The following RBM15 variants were observed in gnomAD, a reference collection of about 807,000 sequenced individuals.
RBM15 encodes the protein RNA-binding protein 15.
Under a neutral mutation model 62.6 loss-of-function variants are expected in RBM15, and 8 were observed. The ratio of observed to expected loss-of-function variants is 0.13; its 90% confidence interval spans 0.07 to 0.23. RBM15 has a LOEUF of 0.23. RBM15 is among the 10% of genes least tolerant of loss of function. The pLI, the probability that RBM15 is intolerant of heterozygous loss-of-function variation, is 1.00. For missense variants in RBM15, 1,144 were observed against 1,286.5 expected, an observed-to-expected ratio of 0.89 and a Z score of 1.69; for synonymous variants, 606 against 505.7, an observed-to-expected ratio of 1.20 and a Z score of -2.66.
rs1660808756 is a variant in RBM15 at position 110,341,969 on chromosome 1, A to G, written c.2564A>G (p.Asn855Ser). ...CGACGCATCAAAGTAGCAGGGCCCA[A>G]TGGTTATGCCATTCTTTTGGCTGTG... The part of the protein sequence containing the change: ...VTRRIKVAGP[N>S]GYAILLAVPG... The change falls in exon 1 of 3, where the codon AAT (asparagine) becomes AGT (serine). Residue 855 changes from asparagine (N) to serine (S), a missense_variant. By Grantham distance (46) the Asn-to-Ser change is conservative (BLOSUM62 1). Around this residue, in one of 8 missense-constraint regions of RBM15, gnomAD observed 144 missense variants for 223.3 expected, o/e 0.64. Coordinates refer to ENST00000369784, the MANE Select transcript of RBM15 (RefSeq NM_022768.5). This position sits in a 1 kb window ranked among gnomAD's most constrained non-coding sequence, Gnocchi z 4.5. The G allele has an allele frequency of 6.8e-6, 11 of 1,614,102 alleles. No homozygotes were observed. Among genetic ancestry groups the G allele is most frequent in the East Asian group, 2.2e-5 (1 of 44,896 alleles).
chr1:110,342,063 G>C lies in RBM15; in HGVS notation c.2658G>C (p.Arg886Ser). 6.2e-7 allele frequency: 1 copy of C among 1,614,242 alleles called. No homozygotes were observed. The highest frequency in any genetic ancestry group is 8.5e-7 in the Non-Finnish European group (1 of 1,180,046). ...AASDTATSTQ[R>S]PLRNLVSYLK... The stretch of plus-strand genomic sequence containing the variant: ...CAGACACTGCCACTTCTACTCAGAG[G>C]CCACTTAGGAACCTTGTGTCCTATT... The change falls in exon 1 of 3, where the codon AGG becomes AGC. Residue 886 changes from arginine to serine, a missense_variant. Around this residue, in one of 8 missense-constraint regions of RBM15, gnomAD observed 144 missense variants for 223.3 expected, o/e 0.64. Transcript: ENST00000369784.
At position 110,340,321 on chromosome 1, in the gene RBM15, C is replaced by T; in HGVS notation, c.916C>T (p.Arg306Trp). Reference sequence around the variant, plus strand: ...CGCTGCTTTGGGATACAGAGACTACCGGCTGCAGCAGTTGGCTCTTGGCCG... The same window carrying T: ...CGCTGCTTTGGGATACAGAGACTACTGGCTGCAGCAGTTGGCTCTTGGCCG... ...GGAALGYRDY[R>W]LQQLALGRLP... Residue 306 changes from arginine (R) to tryptophan (W), a missense_variant, in exon 1 of 3, where the codon CGG becomes TGG. By Grantham distance (101) the Arg-to-Trp change is moderately radical. Around this residue, in one of 8 missense-constraint regions of RBM15, gnomAD observed 188 missense variants for 185.6 expected, o/e 1.01. Coordinates refer to ENST00000369784, the MANE Select transcript of RBM15 (RefSeq NM_022768.5). This position sits in a 1 kb window ranked among gnomAD's most constrained non-coding sequence, Gnocchi z 5.8. 6.2e-7 allele frequency: 1 copy of T among 1,614,216 alleles called. No homozygotes were observed. Among genetic ancestry groups the T allele is most frequent in the Non-Finnish European group, 8.5e-7 (1 of 1,180,036 alleles).
rs938362840 is a variant in RBM15, at chr1:110,340,045, G to T, written c.640G>T (p.Asp214Tyr). The T allele has an allele frequency of 2.5e-6, 4 of 1,613,978 alleles. No homozygotes were observed. The highest frequency in any genetic ancestry group is 3.4e-6 in the Non-Finnish European group (4 of 1,180,050). ...TCATCTGTCGGGTTCTGGCAGCGGG[G>T]ATGAGCGGGTAGCCTTTGTGAACTT... is the stretch of plus-strand genomic sequence containing the variant. ...ISHLSGSGSG[D>Y]ERVAFVNFRR... The change falls in exon 1 of 3, where the codon GAT becomes TAT. Residue 214 changes from aspartate (D) to tyrosine (Y), a missense_variant. By Grantham distance (160) the Asp-to-Tyr change is radical. This residue lies in a region of RBM15 where 188 missense variants were observed against 185.6 expected (regional missense o/e 1.01). Coordinates refer to ENST00000369784, the MANE Select transcript of RBM15 (RefSeq NM_022768.5). The surrounding 1 kb of genome is among the most constrained non-coding windows in gnomAD (Gnocchi z 5.8).
rs748595314 is a variant in RBM15 at position 110,339,545 on chromosome 1, G to A, written c.140G>A (p.Gly47Glu). 2.5e-6 allele frequency: 4 copies of A among 1,605,354 alleles called. No homozygotes were observed. The highest frequency in any genetic ancestry group is 3.4e-6 in the Non-Finnish European group (4 of 1,173,756). The change falls in exon 1 of 3, where the codon GGA becomes GAA. Residue 47 changes from glycine (G) to glutamate (E), a missense_variant. Transcript: ENST00000369784. Reference protein sequence around the residue: ...DDLRRPATMKGKERSPVKAKR... With the variant: ...DDLRRPATMKEKERSPVKAKR... ...CTCCGACGACCCGCAACAATGAAGG[G>A]AAAAGAGCGCTCGCCAGTGAAGGCC... is the stretch of plus-strand genomic sequence containing the variant.
rs1274426500 is a variant in RBM15, at chr1:110,340,360, C to T, written c.955C>T (p.Pro319Ser). 1 of 1,614,206 alleles carries T rather than the reference C, an allele frequency of 6.2e-7. No homozygotes were observed. Among genetic ancestry groups the T allele is most frequent in the Non-Finnish European group, 8.5e-7 (1 of 1,180,030 alleles). The change falls in exon 1 of 3, where the codon CCT becomes TCT. Residue 319 changes from proline to serine, a missense_variant. Around this residue, in one of 8 missense-constraint regions of RBM15, gnomAD observed 188 missense variants for 185.6 expected, o/e 1.01. Transcript: ENST00000369784. This position sits in a 1 kb window ranked among gnomAD's most constrained non-coding sequence, Gnocchi z 5.8. ...GGCTCTTGGCCGCCTGCCCCCTCCA[C>T]CTCCGCCACCATTGCCTCGAGACCT... Reference protein sequence around the residue: ...QLALGRLPPPPPPPLPRDLER... With the variant: ...QLALGRLPPPSPPPLPRDLER...
chr1:110,343,131 A>T (rs555200737), intron 1 of RBM15, among the ~76,000 whole-genome samples: 118 of 152,308 alleles, frequency 7.7e-4, no homozygotes, highest in Middle Eastern at 3.4e-3. Flanking sequence ...AGTGTTCTTC[A>T]TCAAAGATGA....
Position 110,341,416 on chromosome 1 carries a change from C to T in RBM15, c.2011C>T (p.Pro671Ser), listed in dbSNP as rs1351643315. ...RPRKRHCAPSPDRSPELSSSR... is the reference protein window; with the variant it reads ...RPRKRHCAPSSDRSPELSSSR... ...ACGAAAACGTCACTGCGCTCCTTCTCCTGACCGCAGTCCAGAATTGAGCAG... is the reference window on the plus strand; with the variant it reads ...ACGAAAACGTCACTGCGCTCCTTCTTCTGACCGCAGTCCAGAATTGAGCAG... Residue 671 changes from proline to serine, a missense_variant, in exon 1 of 3, where the codon CCT becomes TCT. This residue lies in a region of RBM15 where 360 missense variants were observed against 342.9 expected (regional missense o/e 1.05). Transcript: ENST00000369784. The surrounding 1 kb of genome is among the most constrained non-coding windows in gnomAD (Gnocchi z 4.5). The T allele has an allele frequency of 2.5e-6, 4 of 1,614,118 alleles. No individual in the cohort carries two copies. The highest frequency in any genetic ancestry group is 1.1e-5 in the South Asian group (1 of 91,086).
Position 110,340,286 on chromosome 1 carries a change from C to A in RBM15, c.881C>A (p.Ser294Tyr), listed in dbSNP as rs1360700787. The A allele has an allele frequency of 1.9e-6, 3 of 1,614,118 alleles. No homozygotes were observed. Among genetic ancestry groups the A allele is most frequent in the Admixed American group, 3.3e-5 (2 of 60,018 alleles). ...PGGGGGQRSL[S>Y]PGGAALGYRD... ...GGTGGTGGAGGCCAGAGATCACTTT[C>A]CCCTGGTGGCGCTGCTTTGGGATAC... The change falls in exon 1 of 3, where the codon TCC becomes TAC. Residue 294 changes from serine (S) to tyrosine (Y), a missense_variant. Around this residue, in one of 8 missense-constraint regions of RBM15, gnomAD observed 188 missense variants for 185.6 expected, o/e 1.01. Coordinates refer to ENST00000369784, the MANE Select transcript of RBM15 (RefSeq NM_022768.5). This position sits in a 1 kb window ranked among gnomAD's most constrained non-coding sequence, Gnocchi z 5.8.
chr1:110,344,780 G>A (rs1369583046), intron 1 of RBM15, among the ~76,000 whole-genome samples: 1 of 152,032 alleles, frequency 6.6e-6, no homozygotes, highest in Non-Finnish European at 1.5e-5. Context: ...AACGTTGAAT[G>A]TTCTTTGTAA....
chr1:110,339,458 G>C lies in RBM15; in HGVS notation c.53G>C (p.Arg18Pro). The C allele has an allele frequency of 1.3e-6, 2 of 1,546,648 alleles. No individual in the cohort carries two copies. The highest frequency in any genetic ancestry group is 1.2e-5 in the South Asian group (1 of 81,460). ...CCGCGGCGGAGTCCAAGATGGCGGC[G>C]TGCGGTTCCGCTGTGTGAAACGAGC... ...PVPRRSPRWR[R>P]AVPLCETSAG... Residue 18 changes from arginine to proline, a missense_variant, in exon 1 of 3, where the codon CGT becomes CCT. Physicochemically the swap from Arg to Pro is moderately radical, Grantham distance 103. Around this residue, in one of 8 missense-constraint regions of RBM15, gnomAD observed 298 missense variants for 250.0 expected, o/e 1.19. Coordinates refer to ENST00000369784, the MANE Select transcript of RBM15 (RefSeq NM_022768.5).
rs751378615 is a variant in RBM15, at chr1:110,339,668, C to A, written c.263C>A (p.Thr88Asn). Residue 88 changes from threonine to asparagine, a missense_variant, in exon 1 of 3, where the codon ACC becomes AAC. Physicochemically the swap from Thr to Asn is moderately conservative, Grantham distance 65. Transcript: ENST00000369784. Reference sequence around the variant, plus strand: ...AGCAATGGGAGCAGCAGCGGAAAGACCGATAGCGGCGGTGGGTCGCGGCGG... The same window carrying A: ...AGCAATGGGAGCAGCAGCGGAAAGAACGATAGCGGCGGTGGGTCGCGGCGG... ...GGSNGSSSGKTDSGGGSRRSL... is the reference protein window; with the variant it reads ...GGSNGSSSGKNDSGGGSRRSL... The A allele has an allele frequency of 6.2e-7, 1 of 1,613,166 alleles. No individual in the cohort carries two copies. Among genetic ancestry groups the A allele is most frequent in the African/African-American group, 1.3e-5 (1 of 74,932 alleles).
chr1:110,343,440 G>A (rs895036572), intron 1 of RBM15, among the ~76,000 whole-genome samples: 1 of 151,760 alleles, frequency 6.6e-6, no homozygotes, highest in Non-Finnish European at 1.5e-5. Context: ...AAATGTCAGT[G>A]TAGGAAAACC....
chr1:110,341,744 C>T lies in RBM15; in HGVS notation c.2339C>T (p.Ala780Val), dbSNP rs1288612457. Residue 780 changes from alanine (A) to valine (V), a missense_variant, in exon 1 of 3, where the codon GCC becomes GTC. By Grantham distance (64) the Ala-to-Val change is moderately conservative. Coordinates refer to ENST00000369784, the MANE Select transcript of RBM15 (RefSeq NM_022768.5). The surrounding 1 kb of genome is among the most constrained non-coding windows in gnomAD (Gnocchi z 4.5). ...GGGGGGACAGCCCCTGTGGCATCAG[C>T]CTCTCCCAAACTCTGTTTGGCCTGG... ...QDGGTAPVAS[A>V]SPKLCLAWQG... 6.2e-6 allele frequency: 10 copies of T among 1,614,174 alleles called. No homozygotes were observed. Among genetic ancestry groups the T allele is most frequent in the Non-Finnish European group, 8.5e-6 (10 of 1,180,036 alleles).
rs753498057 is a variant in RBM15, at chr1:110,345,528, C to A, written c.2864-11C>A. ...AATTTCTGGACATTTTTTTTTCTGT[C>A]TCTCTCACAGGGTTTGGTTTTCAGA... On this transcript the variant is annotated splice_polypyrimidine_tract_variant and intron_variant, in intron 1 of 2. Transcript: ENST00000369784. 2 of 1,576,582 alleles carry A rather than the reference C, an allele frequency of 1.3e-6. No individual in the cohort carries two copies. The highest frequency in any genetic ancestry group is 1.7e-5 in the Admixed American group (1 of 57,538).
chr1:110,346,573 C>G lies in RBM15; in HGVS notation c.*306C>G, dbSNP rs1660903239. 1.8e-6 allele frequency: 1 copy of G among 546,252 alleles called. No homozygotes were observed. Among genetic ancestry groups the G allele is most frequent in the Non-Finnish European group, 3.2e-6 (1 of 309,818 alleles). The allele number at this position is 546,252 out of a possible 1,614,324, so 33.8% of individuals were successfully genotyped here. ...GATTTCTGGAAAAGTAAAGAAAAAC[C>G]CTTTTTATGGCTCACACAGCTTAAG... is the stretch of plus-strand genomic sequence containing the variant. On this transcript the variant is annotated 3_prime_UTR_variant, in exon 3 of 3. Transcript: ENST00000369784.
rs768056200 is a variant in RBM15 at position 110,340,537 on chromosome 1, T to C, written c.1132T>C (p.Leu378=). The change falls in exon 1 of 3, where the codon TTG becomes CTG. Residue 378 remains leucine (L), a synonymous_variant. Transcript: ENST00000369784. This position sits in a 1 kb window ranked among gnomAD's most constrained non-coding sequence, Gnocchi z 5.8. ...DDQRANRTLF[L]GNLDITVTES... ...TCAGCGAGCTAACCGGACGCTCTTC[T>C]TGGGCAACCTAGACATCACTGTAAC... 1.2e-6 allele frequency: 2 copies of C among 1,614,188 alleles called. No individual in the cohort carries two copies. The highest frequency in any genetic ancestry group is 2.2e-5 in the South Asian group (2 of 91,086).
intron 1 of RBM15, among the ~76,000 whole-genome samples, chr1:110,344,772 C>T (rs896089928): frequency 1.3e-5 from 2 of 152,036 alleles, no homozygotes. Context: ...ATAATCCCAA[C>T]GTTGAATGTT....
chr1:110,346,119 A>G (rs1010559436), intron 2 of RBM15, among the ~76,000 whole-genome samples, 189 bp from the exon 3 acceptor site: 1 of 152,094 alleles, frequency 6.6e-6, no homozygotes. Flanking sequence ...TTATATGTCT[A>G]TTCATACAGT....
At position 110,345,617 on chromosome 1, in the gene RBM15, A is replaced by G. The variant is rs752005901; in HGVS notation, c.*8A>G. ...GCGCTGACCCTGTTATAGTGGTTAT[A>G]GTGGTGTCCCTAAAGGGAGGAAATG... On this transcript the variant is annotated 3_prime_UTR_variant, in exon 2 of 3. Transcript: ENST00000369784. 6.2e-7 allele frequency: 1 copy of G among 1,601,928 alleles called. No homozygotes were observed. Among genetic ancestry groups the G allele is most frequent in the South Asian group, 1.1e-5 (1 of 88,082 alleles).
Sources: gnomAD v4.1 joint callset for allele counts (sites outside exome capture counted in the v4.1 genomes callset) on GRCh38, gnomAD v4.1.1 for gene constraint, gnomAD v4.1.1 regional missense constraint, Gnocchi (gnomAD v3.1) non-coding constraint, MANE v1.5 for transcripts, NCBI Gene and HGNC (gene_info 2026-07-23, HGNC 2026-07-21) for gene names.